RAPGEFL1: variants seen among roughly 807,000 people sequenced by gnomAD.
RAPGEFL1 encodes the protein rap guanine nucleotide exchange factor-like 1.
Under a neutral mutation model 64.4 loss-of-function variants are expected in RAPGEFL1, and 31 were observed. The ratio of observed to expected loss-of-function variants is 0.48; its 90% CI spans 0.36 to 0.65. The LOEUF (loss-of-function observed/expected upper bound fraction) is 0.65, where lower values mean the gene tolerates loss of function less well. Among genes scored for constraint, RAPGEFL1 ranks in the 30% least tolerant of loss-of-function variants. RAPGEFL1 has a pLI of 0.00. For synonymous variants in RAPGEFL1, 331 were observed against 274.1 expected (o/e 1.21, Z -2.05); for missense variants, 682 against 677.4 (o/e 1.01, Z -0.08).
intron 1 of RAPGEFL1, among the ~76,000 whole-genome samples, chr17:40,179,759 C>T (rs1216591912): frequency 6.6e-6 from 1 of 152,132 alleles, no homozygotes; most frequent in Non-Finnish European, 1.5e-5. Flanking sequence ...ATGGTGAGGG[C>T]TTTCACACTT....
rs1226895359 is a variant in RAPGEFL1, at chr17:40,191,954, C to T, written c.1606-259C>T. On this transcript the variant is annotated intron_variant, in intron 10 of 14. Transcript: ENST00000620260. The surrounding 1 kb of genome is among the most constrained non-coding windows in gnomAD (Gnocchi z 5.1). ...TGGGAGTTGGGCTGATTTTCATCCACACTCAGTGGGGGCATCTTTATACAA... is the reference window on the plus strand; with the variant it reads ...TGGGAGTTGGGCTGATTTTCATCCATACTCAGTGGGGGCATCTTTATACAA... Among the ~76,000 whole-genome samples the T allele has an allele frequency of 6.6e-6, 1 of 152,210 alleles. No individual in the cohort carries two copies. Among genetic ancestry groups the T allele is most frequent in the Admixed American group, 6.5e-5 (1 of 15,276 alleles).
intron 6 of RAPGEFL1, 92 bp downstream of exon 6, chr17:40,189,467 C>A: frequency 7.3e-7 from 1 of 1,376,300 alleles, no homozygotes; most frequent in Non-Finnish European, 1.0e-6. Flanking sequence ...AATTCTAGGC[C>A]CTTGCTACTC....
chr17:40,193,690 C>T lies in RAPGEFL1; in HGVS notation c.1891C>T (p.His631Tyr), dbSNP rs1990360413. 6.2e-7 allele frequency: 1 copy of T among 1,613,994 alleles called. No individual in the cohort carries two copies. The highest frequency in any genetic ancestry group is 1.3e-5 in the African/African-American group (1 of 74,898). Residue 631 changes from histidine to tyrosine, a missense_variant, in exon 15 of 15, where the codon CAC (histidine) becomes TAC (tyrosine). His to Tyr is a moderately conservative substitution (Grantham distance 83). This residue lies in a region of RAPGEFL1 where 411 missense variants were observed against 519.4 expected (regional missense o/e 0.79). Transcript: ENST00000620260. The part of the protein sequence containing the change: ...LCLDMEASPN[H>Y]LQTKAYVRQF... ...CCTGGACATGGAGGCATCCCCCAAT[C>T]ACCTGCAGACCAAGGCCTATGTGCG...
chr17:40,186,545 G>A (rs1470377533), intron 4 of RAPGEFL1, among the ~76,000 whole-genome samples: 4 of 129,558 alleles, frequency 3.1e-5, no homozygotes, highest in Non-Finnish European at 4.7e-5. Flanking sequence ...TCCGCAGTCC[G>A]GCCTGGGCGA....
rs1990414366 is a variant in RAPGEFL1 at position 40,195,035 on chromosome 17, C to G, written c.*1247C>G. 6.5e-6 allele frequency: 1 copy of G among 152,678 alleles called. No individual in the cohort carries two copies. The highest frequency in any genetic ancestry group is 6.5e-5 in the Admixed American group (1 of 15,282). The allele number at this position is 152,678 out of a possible 1,614,324, so 9.5% of individuals were successfully genotyped here. A position where few individuals can be genotyped will look rare whatever the true frequency, so the allele number is the denominator to read the frequency against. On this transcript the variant is annotated 3_prime_UTR_variant, in exon 15 of 15. Coordinates refer to ENST00000620260, the MANE Select transcript of RAPGEFL1 (RefSeq NM_016339.6). Reference sequence around the variant, plus strand: ...GGTTTCCTGGCACAGACTCACCCTTCTTTCTGGCACCACCTCTTTCCCTTT... The same window carrying G: ...GGTTTCCTGGCACAGACTCACCCTTGTTTCTGGCACCACCTCTTTCCCTTT...
Position 40,177,856 on chromosome 17 carries a change from G to C in RAPGEFL1, c.-6G>C, listed in dbSNP as rs927305124. On this transcript the variant is annotated 5_prime_UTR_variant, in exon 1 of 15. Transcript: ENST00000620260. ...GGCGACCCCTAGGAGAGGGGCGGGG[G>C]GGGGCATGAAGCCGCTGGAGAAATT... 30 of 427,978 alleles carry C rather than the reference G, an allele frequency of 7.0e-5. No individual in the cohort carries two copies. The highest frequency in any genetic ancestry group is 3.4e-4 in the Middle Eastern group (1 of 2,958). 26.5% of individuals were successfully genotyped at this position (427,978 alleles called of 1,614,324 possible).
Position 40,192,662 on chromosome 17 carries a change from T to C in RAPGEFL1, c.1713T>C (p.Pro571=), listed in dbSNP as rs1487715772. 4 of 1,613,482 alleles carry C rather than the reference T, an allele frequency of 2.5e-6. No homozygotes were observed. Among genetic ancestry groups the C allele is most frequent in the Non-Finnish European group, 2.5e-6 (3 of 1,179,782 alleles). Residue 571 remains proline, a synonymous_variant, in exon 12 of 15, where the codon CCT becomes CCC. Transcript: ENST00000620260. ...YREVISKMKP[P]VIPFVPLILK... ...AAGTGATCTCCAAAATGAAGCCCCC[T>C]GTGATTCCCTTCGTGCCTCTGATCC...
chr17:40,187,912 C>CA (rs1404422579), intron 4 of RAPGEFL1, among the ~76,000 whole-genome samples: 10 of 125,168 alleles, frequency 8.0e-5, no homozygotes, highest in Non-Finnish European at 1.2e-4. Context: ...CGCGCCTGGC[C>CA]TTTTTTTTTT....
At chr17:40,190,833 A>G (rs533549270) in intron 8 of RAPGEFL1, 71 bp downstream of exon 8, 1 of 1,585,842 alleles carries the variant, frequency 6.3e-7, no homozygotes, top group Admixed American at 1.7e-5. Flanking sequence ...CGGTGTTCGC[A>G]GCACAACGTC....
chr17:40,191,103 G>A lies in RAPGEFL1; in HGVS notation c.1336-213G>A, dbSNP rs1468827171. On this transcript the variant is annotated intron_variant, in intron 8 of 14. Coordinates refer to ENST00000620260, the MANE Select transcript of RAPGEFL1 (RefSeq NM_016339.6). This position sits in a 1 kb window ranked among gnomAD's most constrained non-coding sequence, Gnocchi z 5.1. ...GCCGTGAGCGAATGCCTGGCACCTA[G>A]TAAGTGCTCAGTAGCTGGTGAAATA... The A allele has an allele frequency of 1.7e-6, 1 of 604,148 alleles. No homozygotes were observed. The highest frequency in any genetic ancestry group is 1.9e-5 in the African/African-American group (1 of 53,226). 37.4% of individuals were successfully genotyped at this position (604,148 alleles called of 1,614,324 possible).
Position 40,181,636 on chromosome 17 carries a change from G to A in RAPGEFL1, c.541G>A (p.Val181Ile), listed in dbSNP as rs766095108. ...AASDILLDDIVLTHSLFLPTE... is the reference protein window; with the variant it reads ...AASDILLDDIILTHSLFLPTE... Reference sequence around the variant, plus strand: ...TACAGATATCCTGCTGGATGACATTGTCCTTACCCATTCTCTCTTCCTCCC... The same window carrying A: ...TACAGATATCCTGCTGGATGACATTATCCTTACCCATTCTCTCTTCCTCCC... The change falls in exon 2 of 15, where the codon GTC becomes ATC. Residue 181 changes from valine to isoleucine, a missense_variant. Coordinates refer to ENST00000620260, the MANE Select transcript of RAPGEFL1 (RefSeq NM_016339.6). 6.3e-5 allele frequency: 44 copies of A among 702,730 alleles called. No individual in the cohort carries two copies. In the African/African-American group the frequency reaches 7.3e-4, roughly 12 times the overall value. 43.5% of individuals were successfully genotyped at this position (702,730 alleles called of 1,614,324 possible). A position where few individuals can be genotyped will look rare whatever the true frequency, so the allele number is the denominator to read the frequency against.
Position 40,193,496 on chromosome 17 carries a change from A to G in RAPGEFL1, c.1864+79A>G, listed in dbSNP as rs541998164. 217 of 1,580,890 alleles carry G rather than the reference A, an allele frequency of 1.4e-4. 1 individual carries two copies. The South Asian group carries it at 2.2e-3, about 16-fold the overall frequency. On this transcript the variant is annotated intron_variant, in intron 14 of 14. Coordinates refer to ENST00000620260, the MANE Select transcript of RAPGEFL1 (RefSeq NM_016339.6). ...GGGTTCAGGGGAGAACTCCCTGTCCAGATGTGTATTTCCATACACTTGCTG... is the reference window on the plus strand; with the variant it reads ...GGGTTCAGGGGAGAACTCCCTGTCCGGATGTGTATTTCCATACACTTGCTG...
intron 2 of RAPGEFL1, among the ~76,000 whole-genome samples, chr17:40,183,946 C>T (rs1168807293): frequency 1.4e-5 from 2 of 137,970 alleles, no homozygotes; most frequent in African/African-American, 5.4e-5. Context: ...CAGGTTCAAA[C>T]GATTCTTGTG....
rs1227007325 is a variant in RAPGEFL1, at chr17:40,191,017, TAAAG to T, written c.1335+259_1335+262del. ...TTTCTATTTTTAAAATATTCACTAT[TAAAG>T]AAATAAAATAAGGCAGAGACAATAA... On this transcript the variant is annotated intron_variant, in intron 8 of 14. Transcript: ENST00000620260. The surrounding 1 kb of genome is among the most constrained non-coding windows in gnomAD (Gnocchi z 5.1). The T allele has an allele frequency of 3.3e-6, 2 of 600,658 alleles. No individual in the cohort carries two copies. The highest frequency in any genetic ancestry group is 5.7e-6 in the Non-Finnish European group (2 of 349,920). 37.2% of individuals were successfully genotyped at this position (600,658 alleles called of 1,614,324 possible). A position where few individuals can be genotyped will look rare whatever the true frequency, so the allele number is the denominator to read the frequency against.
chr17:40,177,531 G>T lies in RAPGEFL1; in HGVS notation c.-331G>T. 2 of 557,510 alleles carry T rather than the reference G, an allele frequency of 3.6e-6. No homozygotes were observed. Among genetic ancestry groups the T allele is most frequent in the Non-Finnish European group, 6.3e-6 (2 of 317,838 alleles). The allele number at this position is 557,510 out of a possible 1,614,324, so 34.5% of individuals were successfully genotyped here. ...CCGCCGCCGCCGCCGCGTCCTCTCA[G>T]CCTTGCGCTCCGCCCGCTGCCTCTG... is the stretch of plus-strand genomic sequence containing the variant. On this transcript the variant is annotated 5_prime_UTR_variant, in exon 1 of 15. Coordinates refer to ENST00000620260, the MANE Select transcript of RAPGEFL1 (RefSeq NM_016339.6).
Position 40,191,330 on chromosome 17 carries a change from C to G in RAPGEFL1, c.1350C>G (p.Asp450Glu). The G allele has an allele frequency of 6.3e-7, 1 of 1,585,174 alleles. No homozygotes were observed. The highest frequency in any genetic ancestry group is 8.5e-7 in the Non-Finnish European group (1 of 1,174,082). ...FRCVHELEFV[D>E]YVFHGERGRR... Reference sequence around the variant, plus strand: ...CGTGGGTGCAGCTGGAGTTCGTGGACTACGTGTTCCACGGGGAGCGCGGCC... The same window carrying G: ...CGTGGGTGCAGCTGGAGTTCGTGGAGTACGTGTTCCACGGGGAGCGCGGCC... The change falls in exon 9 of 15, where the codon GAC (aspartate) becomes GAG (glutamate). Residue 450 changes from aspartate to glutamate, a missense_variant. By Grantham distance (45) the Asp-to-Glu change is conservative (BLOSUM62 2). Coordinates refer to ENST00000620260, the MANE Select transcript of RAPGEFL1 (RefSeq NM_016339.6). The surrounding 1 kb of genome is among the most constrained non-coding windows in gnomAD (Gnocchi z 5.1).
At chr17:40,188,143 G>C (rs1319810229) in intron 4 of RAPGEFL1, among the ~76,000 whole-genome samples, 4 of 151,798 alleles carry the variant, frequency 2.6e-5, no homozygotes, top group East Asian at 3.9e-4. Context: ...TTGAACTCCT[G>C]GCCTCAAGTG....
chr17:40,182,660 T>C (rs1450534377), intron 2 of RAPGEFL1, among the ~76,000 whole-genome samples: 1 of 152,226 alleles, frequency 6.6e-6, no homozygotes. Context: ...CACTGAATTA[T>C]TGCTCTAAAA....
intron 1 of RAPGEFL1, 194 bp from the exon 2 acceptor site, chr17:40,181,422 A>C: frequency 4.8e-6 from 3 of 622,980 alleles, no homozygotes; most frequent in Non-Finnish European, 8.9e-6. Context: ...TGCCGAACCC[A>C]CCCTCGCAGT....
Sources: allele counts gnomAD v4.1 joint callset (sites outside exome capture counted in the v4.1 genomes callset), GRCh38; gene constraint gnomAD v4.1.1; regional missense constraint gnomAD v4.1.1; non-coding constraint Gnocchi (gnomAD v3.1); transcripts MANE v1.5; gene names NCBI Gene and HGNC (gene_info 2026-07-23, HGNC 2026-07-21).